FAM117A: variants seen among roughly 807,000 people sequenced by gnomAD.
FAM117A encodes the protein protein FAM117A.
A neutral mutation model predicts 44.1 loss-of-function variants in FAM117A; 21 were observed. That is an observed-to-expected ratio of 0.48 (90% CI 0.34 to 0.69). The LOEUF is 0.69. Among genes scored for constraint, FAM117A ranks in the 30% least tolerant of loss-of-function variants. The pLI, the probability that FAM117A is intolerant of heterozygous loss-of-function variation, is 0.01. For missense variants in FAM117A, 498 were observed against 589.9 expected (o/e 0.84, Z 1.61); for synonymous variants, 220 against 238.3 (o/e 0.92, Z 0.71).
chr17:49,711,096 C>T lies in FAM117A; in HGVS notation c.*159G>A. 1.5e-6 allele frequency: 1 copy of T among 670,674 alleles called. No homozygotes were observed. Among genetic ancestry groups the T allele is most frequent in the South Asian group, 2.2e-5 (1 of 46,024 alleles). The allele number at this position is 670,674 out of a possible 1,614,324, so 41.5% of individuals were successfully genotyped here. A position where few individuals can be genotyped will look rare whatever the true frequency, so the allele number is the denominator to read the frequency against. ...CATCACGTTCAGAGGGGCCGGTGCC[C>T]ATCAAAAAGAGGACCCAGGGCTTTG... On this transcript the variant is annotated 3_prime_UTR_variant, in exon 8 of 8. Coordinates refer to ENST00000240364, the MANE Select transcript of FAM117A (RefSeq NM_030802.4).
In FAM117A at chr17:49,722,598, C is replaced by T. The variant is rs759452485; in HGVS notation, c.367-4G>A. ...GCTCTTGCCAGGACAGGGGCGTCTG[C>T]AGGGAGAGAAACACAGTGAGACACA... is the stretch of plus-strand genomic sequence containing the variant. On this transcript the variant is annotated splice_region_variant and splice_polypyrimidine_tract_variant and intron_variant, in intron 2 of 7. Transcript: ENST00000240364. 1.2e-6 allele frequency: 2 copies of T among 1,612,906 alleles called. No individual in the cohort carries two copies. The highest frequency in any genetic ancestry group is 1.7e-5 in the Admixed American group (1 of 59,946).
chr17:49,728,943 C>T (rs2073572668), intron 2 of FAM117A, among the ~76,000 whole-genome samples: 2 of 152,232 alleles, frequency 1.3e-5, no homozygotes, highest in African/African-American at 4.8e-5. Context: ...TTCCTTGCCC[C>T]AAATATTTGG....
intron 2 of FAM117A, 184 bp downstream of exon 2, chr17:49,732,367 T>C (rs2073589133): frequency 3.7e-6 from 2 of 544,654 alleles, no homozygotes; most frequent in Non-Finnish European, 6.4e-6. Flanking sequence ...ATCGCACCAC[T>C]GCACTCCAGC....
At chr17:49,751,077 T>G (rs971171531) in intron 1 of FAM117A, among the ~76,000 whole-genome samples, 1 of 151,244 alleles carries the variant, frequency 6.6e-6, no homozygotes, top group Non-Finnish European at 1.5e-5. Context: ...GTCAGGAGTT[T>G]AAAACCAGCC....
chr17:49,776,263 T>G (rs1016270063), intron 1 of FAM117A, among the ~76,000 whole-genome samples: 2 of 152,144 alleles, frequency 1.3e-5, no homozygotes, highest in Non-Finnish European at 2.9e-5. Flanking sequence ...GGTGAGGAAG[T>G]TGAAGCACAG....
intron 2 of FAM117A, among the ~76,000 whole-genome samples, chr17:49,728,717 T>A (rs1470861186): frequency 6.6e-6 from 1 of 152,202 alleles, no homozygotes; most frequent in African/African-American, 2.4e-5. Context: ...CGGCATGTAC[T>A]GCCCTCACCC....
intron 1 of FAM117A, among the ~76,000 whole-genome samples, chr17:49,741,744 G>T (rs1475897241): frequency 1.3e-5 from 2 of 152,210 alleles, no homozygotes; most frequent in African/African-American, 4.8e-5. Flanking sequence ...AGCACGGGAA[G>T]TTCCTCCTAG....
At chr17:49,739,250 G>A (rs1002548002) in intron 1 of FAM117A, among the ~76,000 whole-genome samples, 2 of 152,120 alleles carry the variant, frequency 1.3e-5, no homozygotes, top group Non-Finnish European at 1.5e-5. Flanking sequence ...CCGGAAAGAG[G>A]AGACTACCCA....
At chr17:49,713,289 T>C (rs1157176361) in intron 7 of FAM117A, among the ~76,000 whole-genome samples, 4 of 152,262 alleles carry the variant, frequency 2.6e-5, no homozygotes, top group South Asian at 2.1e-4. Context: ...GAGTAAGGAA[T>C]AGCCCTGATT....
intron 1 of FAM117A, among the ~76,000 whole-genome samples, chr17:49,761,749 G>A (rs2073723194): frequency 6.6e-6 from 1 of 152,184 alleles, no homozygotes; most frequent in Non-Finnish European, 1.5e-5. Flanking sequence ...ACACGTATGT[G>A]GGCTGAAGTT....
chr17:49,766,125 G>A (rs1455962399), upstream of FAM117A, among the ~76,000 whole-genome samples: 1 of 152,106 alleles, frequency 6.6e-6, no homozygotes, highest in Non-Finnish European at 1.5e-5. Flanking sequence ...CTTGTGAAAT[G>A]GGTATTATTT....
chr17:49,760,553 G>T (rs187344552), intron 1 of FAM117A, among the ~76,000 whole-genome samples: 1 of 152,196 alleles, frequency 6.6e-6, no homozygotes, highest in Admixed American at 6.5e-5. Context: ...CCAATCCCTG[G>T]TTAAAGAAGG....
chr17:49,786,812 T>C (rs1162573934), intron 1 of FAM117A, among the ~76,000 whole-genome samples: 2 of 145,780 alleles, frequency 1.4e-5, no homozygotes, highest in Non-Finnish European at 3.0e-5. Context: ...CTGGTATGGC[T>C]GGGAGTGGTG....
intron 1 of FAM117A, among the ~76,000 whole-genome samples, chr17:49,775,906 A>C (rs899804297): frequency 6.6e-6 from 1 of 152,098 alleles, no homozygotes; most frequent in Non-Finnish European, 1.5e-5. Context: ...TTTAGATACC[A>C]ATCCTGTCAA....
At chr17:49,788,785 C>G, upstream of FAM117A, 1 of 1,559,342 alleles carries the variant, frequency 6.4e-7, no homozygotes, top group African/African-American at 1.4e-5. Flanking sequence ...ACCGTTCCTG[C>G]TGCTGCCGCC....
intron 1 of FAM117A, among the ~76,000 whole-genome samples, chr17:49,776,005 G>C (rs963218122): frequency 6.6e-6 from 1 of 152,000 alleles, no homozygotes; most frequent in Non-Finnish European, 1.5e-5. Flanking sequence ...TGCATTCCTC[G>C]GAATGCCAAA....
chr17:49,768,627 T>A (rs905064786), upstream of FAM117A, among the ~76,000 whole-genome samples: 14 of 152,020 alleles, frequency 9.2e-5, no homozygotes. Context: ...GGGAACAAGA[T>A]CCTGAGGAAA....
At chr17:49,757,042 C>T (rs1176303139) in intron 1 of FAM117A, among the ~76,000 whole-genome samples, 1 of 152,126 alleles carries the variant, frequency 6.6e-6, no homozygotes, top group African/African-American at 2.4e-5. Flanking sequence ...AACTCCTCAA[C>T]CCTTGATCAC....
At chr17:49,761,530 A>T (rs942880984) in intron 1 of FAM117A, among the ~76,000 whole-genome samples, 7 of 152,240 alleles carry the variant, frequency 4.6e-5, no homozygotes, top group Non-Finnish European at 1.0e-4. Flanking sequence ...TCCACAGATG[A>T]GGAAACTAAG....
Sources: gnomAD v4.1 joint callset for allele counts (sites outside exome capture counted in the v4.1 genomes callset) on GRCh38, gnomAD v4.1.1 for gene constraint, MANE v1.5 for transcripts, NCBI Gene and HGNC (gene_info 2026-07-23, HGNC 2026-07-21) for gene names.